The following COL23A1 variants were observed in gnomAD, a reference collection of about 807,000 sequenced individuals.
The protein encoded by COL23A1 is collagen alpha-1(XXIII) chain.
In COL23A1, 97 loss-of-function variants were observed where a neutral mutation model predicts 99.3. That is an observed-to-expected ratio of 0.98 (90% CI 0.83 to 1.16). The LOEUF (loss-of-function observed/expected upper bound fraction) is 1.16. Ranked by LOEUF, COL23A1 falls within the 50% of genes most tolerant of loss-of-function variation. The probability of loss-of-function intolerance (pLI) is 0.00; values close to 1 mark genes in which losing one functional copy is unlikely to be tolerated. For missense variants in COL23A1, 762 were observed against 757.4 expected (o/e 1.01, Z -0.07); for synonymous variants, 320 against 308.2 (o/e 1.04, Z -0.40).
In COL23A1 at chr5:178,313,995, G is replaced by A. The variant is rs1490886940; in HGVS notation, c.362-7076C>T. Among the ~76,000 whole-genome samples the A allele has an allele frequency of 6.6e-6, 1 of 152,016 alleles. No individual in the cohort carries two copies. Among genetic ancestry groups the A allele is most frequent in the Non-Finnish European group, 1.5e-5 (1 of 68,020 alleles). The stretch of plus-strand genomic sequence containing the variant: ...GGAGCATTCTCTCTGCACATTCCCA[G>A]CTTGGCCTCACAAAGCCCTCTGTCC... On this transcript the variant is annotated intron_variant, in intron 2 of 28. Transcript: ENST00000390654. The surrounding 1 kb of genome is among the most constrained non-coding windows in gnomAD (Gnocchi z 4.2).
At chr5:178,487,873 G>A (rs893848590) in intron 2 of COL23A1, among the ~76,000 whole-genome samples, 1 of 152,222 alleles carries the variant, frequency 6.6e-6, no homozygotes, top group African/African-American at 2.4e-5. Flanking sequence ...CTCTGCTCTA[G>A]GTCATCAGCT....
chr5:178,543,273 A>G (rs1184796015), intron 2 of COL23A1, among the ~76,000 whole-genome samples: 3 of 152,058 alleles, frequency 2.0e-5, no homozygotes, highest in African/African-American at 4.8e-5. Flanking sequence ...ACACCTTGCT[A>G]ATTTTGTATT....
At chr5:178,388,045 G>A (rs1474676691) in intron 2 of COL23A1, among the ~76,000 whole-genome samples, 1 of 152,068 alleles carries the variant, frequency 6.6e-6, no homozygotes, top group Non-Finnish European at 1.5e-5. Flanking sequence ...CCCAGCGCAC[G>A]CTCTCCACGG....
At chr5:178,351,951 G>A (rs1761351164) in intron 2 of COL23A1, 1 of 152,236 alleles carries the variant, frequency 6.6e-6, no homozygotes, top group Non-Finnish European at 1.5e-5. Flanking sequence ...AAGCCAGGAA[G>A]AGAGGCCTCG....
intron 28 of COL23A1, 117 bp downstream of exon 28, chr5:178,239,024 G>C: frequency 8.4e-7 from 1 of 1,192,450 alleles, no homozygotes; most frequent in Non-Finnish European, 1.2e-6. Flanking sequence ...GTCACTGTGC[G>C]AGAAGCCGCA....
chr5:178,346,493 C>T (rs1443154072), intron 2 of COL23A1, among the ~76,000 whole-genome samples: 9 of 152,198 alleles, frequency 5.9e-5, no homozygotes, highest in African/African-American at 2.2e-4. Flanking sequence ...GCCTTGGTCT[C>T]CCAAAGTGCT....
At position 178,358,407 on chromosome 5, in the gene COL23A1, GTGTA is replaced by G. The variant is rs1409545868; in HGVS notation, c.362-51492_362-51489del. On this transcript the variant is annotated intron_variant, in intron 2 of 28. Coordinates refer to ENST00000390654, the MANE Select transcript of COL23A1 (RefSeq NM_173465.4). Reference sequence around the variant, plus strand: ...AATGTGTGTATGTGTATGTGTATGTGTGTATGTGTATGTGTGTGTATGTGTATGT... The same window carrying G: ...AATGTGTGTATGTGTATGTGTATGTGTGTGTATGTGTGTGTATGTGTATGT... Among the ~76,000 whole-genome samples, 421 of 125,046 alleles carry G rather than the reference GTGTA, an allele frequency of 3.4e-3. 2 individuals carry two copies. Among genetic ancestry groups the G allele is most frequent in the African/African-American group, 0.011 (386 of 36,498 alleles). 82.0% of individuals were successfully genotyped at this position (125,046 alleles called of 152,430 possible). A position where few individuals can be genotyped will look rare whatever the true frequency, so the allele number is the denominator to read the frequency against.
intron 2 of COL23A1, among the ~76,000 whole-genome samples, chr5:178,502,631 A>G (rs944241864): frequency 2.6e-5 from 4 of 152,220 alleles, no homozygotes; most frequent in African/African-American, 7.2e-5. Context: ...AGTGCTGGAG[A>G]GGATGTGGAG....
At chr5:178,335,038 G>T (rs962853849) in intron 2 of COL23A1, among the ~76,000 whole-genome samples, 29 of 152,214 alleles carry the variant, frequency 1.9e-4, no homozygotes, top group African/African-American at 7.0e-4. Context: ...GCGTCCCTAA[G>T]AGCAGCCCTG....
chr5:178,250,201 G>A, intron 17 of COL23A1, 96 bp from the exon 18 acceptor site: 1 of 1,466,312 alleles, frequency 6.8e-7, no homozygotes, highest in East Asian at 2.4e-5. Context: ...CCCGGCCCAG[G>A]GTGGGTCTTT....
chr5:178,342,423 G>A (rs1463254505), intron 2 of COL23A1, among the ~76,000 whole-genome samples: 2 of 152,186 alleles, frequency 1.3e-5, no homozygotes. Flanking sequence ...TCATCCGAAG[G>A]TGGCCTCACA....
chr5:178,265,445 G>A (rs971075729), intron 8 of COL23A1, among the ~76,000 whole-genome samples: 1 of 152,166 alleles, frequency 6.6e-6, no homozygotes, highest in Non-Finnish European at 1.5e-5. Context: ...CCTCAGGCTG[G>A]GAACTACTGG....
intron 2 of COL23A1, among the ~76,000 whole-genome samples, chr5:178,391,372 C>T (rs4579270): frequency 0.15 from 22,457 of 152,166 alleles, 1,978 homozygotes; most frequent in Middle Eastern, 0.24. Flanking sequence ...AACTATAATA[C>T]GTAAAGGATT....
At chr5:178,349,871 G>GA (rs1761220052) in intron 2 of COL23A1, among the ~76,000 whole-genome samples, 1 of 151,994 alleles carries the variant, frequency 6.6e-6, no homozygotes, top group Admixed American at 6.5e-5. Context: ...TGACTGGAGG[G>GA]GGACCTCTGG....
At chr5:178,315,194 C>A (rs1186780780) in intron 2 of COL23A1, among the ~76,000 whole-genome samples, 1 of 152,126 alleles carries the variant, frequency 6.6e-6, no homozygotes, top group African/African-American at 2.4e-5. Context: ...GGAGTCCGGA[C>A]CCATGACGCA....
At chr5:178,582,206 CAAAAAAAAAAAAAA>C (rs11315118) in intron 1 of COL23A1, among the ~76,000 whole-genome samples, 7 of 31,628 alleles carry the variant, frequency 2.2e-4, no homozygotes, top group Non-Finnish European at 5.1e-4. Context: ...GACTCTATCT[CAAAAAAAAAAAAAA>C]AAAAAAAAAA....
chr5:178,378,797 G>A (rs934131645), intron 2 of COL23A1, among the ~76,000 whole-genome samples: 1 of 152,182 alleles, frequency 6.6e-6, no homozygotes, highest in African/African-American at 2.4e-5. Flanking sequence ...GAGACCGCTG[G>A]CAGGTGGCAG....
intron 6 of COL23A1, among the ~76,000 whole-genome samples, chr5:178,269,780 CCATCTATCCAGTCAG>C (rs1336748485): frequency 1.3e-5 from 2 of 148,800 alleles, no homozygotes; most frequent in East Asian, 2.0e-4. Context: ...ATCCATCCAT[CCATCTATCCAGTCAG>C]CATCCATCCA....
chr5:178,365,955 C>T lies in COL23A1; in HGVS notation c.362-59036G>A, dbSNP rs749737822. Among the ~76,000 whole-genome samples, 7 of 152,246 alleles carry T rather than the reference C, an allele frequency of 4.6e-5. No individual in the cohort carries two copies. The highest frequency in any genetic ancestry group is 3.4e-3 in the Middle Eastern group (1 of 294). On this transcript the variant is annotated intron_variant, in intron 2 of 28. Coordinates refer to ENST00000390654, the MANE Select transcript of COL23A1 (RefSeq NM_173465.4). This position sits in a 1 kb window ranked among gnomAD's most constrained non-coding sequence, Gnocchi z 5.2. Reference sequence around the variant, plus strand: ...CGCACCACAGGCTTGGAAGCAGACACGCCCAGTTCAAGCCCCACTCCAGCC... The same window carrying T: ...CGCACCACAGGCTTGGAAGCAGACATGCCCAGTTCAAGCCCCACTCCAGCC...
Sources: allele counts gnomAD v4.1 joint callset (sites outside exome capture counted in the v4.1 genomes callset), GRCh38; gene constraint gnomAD v4.1.1; non-coding constraint Gnocchi (gnomAD v3.1); transcripts MANE v1.5; gene names NCBI Gene and HGNC (gene_info 2026-07-23, HGNC 2026-07-21).